The following SLIT3 variants were observed in gnomAD, a reference collection of about 807,000 sequenced individuals.
SLIT3 encodes slit homolog 3 protein.
In SLIT3, 68 loss-of-function variants were observed where a neutral mutation model predicts 184.0. The observed-to-expected ratio is 0.37, with a 90% CI of 0.30 to 0.45. The LOEUF is 0.45. Ranked by LOEUF, SLIT3 falls within the 20% of genes least tolerant of loss-of-function variation. SLIT3 has a pLI of 1.00. For synonymous variants in SLIT3, 831 were observed against 828.6 expected (o/e 1.00, Z -0.05); for missense variants, 1,707 against 2,026.0 (o/e 0.84, Z 3.02).
chr5:168,674,361 C>T (rs997678147), intron 32 of SLIT3, among the ~76,000 whole-genome samples: 1 of 152,248 alleles, frequency 6.6e-6, no homozygotes. Context: ...TGAGTACCCA[C>T]ATGATGCTTG....
chr5:168,675,114 G>C (rs1761367451), intron 32 of SLIT3, among the ~76,000 whole-genome samples: 1 of 152,116 alleles, frequency 6.6e-6, no homozygotes, highest in Non-Finnish European at 1.5e-5. Context: ...GAACAGTGGT[G>C]GGAGATGATG....
chr5:168,867,443 A>G (rs1171287523), intron 5 of SLIT3, among the ~76,000 whole-genome samples: 1 of 152,224 alleles, frequency 6.6e-6, no homozygotes, highest in Non-Finnish European at 1.5e-5. Flanking sequence ...GAGTCAAGCT[A>G]AAGAATGTGT....
At chr5:169,190,327 CA>C (rs1351392714) in intron 4 of SLIT3, among the ~76,000 whole-genome samples, 2 of 152,016 alleles carry the variant, frequency 1.3e-5, no homozygotes, top group East Asian at 3.9e-4. Flanking sequence ...TCCACGGTTC[CA>C]AGGGAGTGAA....
intron 4 of SLIT3, among the ~76,000 whole-genome samples, chr5:169,055,651 C>T (rs1047380144): frequency 5.9e-5 from 9 of 152,048 alleles, no homozygotes; most frequent in African/African-American, 2.2e-4. Flanking sequence ...CCATCCTGGC[C>T]AACATGGTGA....
At chr5:168,749,375 G>C in intron 19 of SLIT3, 97 bp downstream of exon 19, 1 of 1,418,102 alleles carries the variant, frequency 7.1e-7, no homozygotes, top group Non-Finnish European at 9.8e-7. Flanking sequence ...AAAGCAAAGT[G>C]GAATTGGATC....
chr5:168,931,245 T>A (rs78614981), intron 4 of SLIT3, among the ~76,000 whole-genome samples: 2,008 of 152,340 alleles, frequency 0.013, 60 homozygotes, highest in East Asian at 0.13. Flanking sequence ...TTCCCCTTTA[T>A]CTTATATTAT....
chr5:168,799,472 A>G (rs567477674), intron 9 of SLIT3, among the ~76,000 whole-genome samples: 22 of 152,362 alleles, frequency 1.4e-4, no homozygotes, highest in African/African-American at 5.3e-4. Context: ...GGAACATCTG[A>G]TGGGGATTTC....
chr5:168,853,739 C>T (rs1209225979), intron 5 of SLIT3, among the ~76,000 whole-genome samples: 1 of 152,200 alleles, frequency 6.6e-6, no homozygotes, highest in African/African-American at 2.4e-5. Context: ...AGATGCTGCT[C>T]CTCTGGAAAC....
intron 4 of SLIT3, among the ~76,000 whole-genome samples, chr5:169,032,661 A>AT (rs746847776): frequency 0.013 from 1,762 of 133,594 alleles, 15 homozygotes; most frequent in Non-Finnish European, 0.021. Context: ...TCTGCTAGTT[A>AT]TTTTTTTTTT....
intron 4 of SLIT3, among the ~76,000 whole-genome samples, chr5:169,125,089 C>T (rs1374184578): frequency 6.6e-6 from 1 of 151,986 alleles, no homozygotes; most frequent in African/African-American, 2.4e-5. Flanking sequence ...CACTCTGTCG[C>T]CAGGCTACAG....
intron 4 of SLIT3, among the ~76,000 whole-genome samples, chr5:169,166,686 T>A (rs760139999): frequency 2.0e-5 from 3 of 152,206 alleles, no homozygotes; most frequent in Non-Finnish European, 4.4e-5. Context: ...GGCCTCATTG[T>A]TTCCAGTTTC....
intron 11 of SLIT3, among the ~76,000 whole-genome samples, chr5:168,788,647 G>A (rs193291161): frequency 1.3e-5 from 2 of 151,550 alleles, no homozygotes; most frequent in Non-Finnish European, 2.9e-5. Context: ...TGGTACTAGG[G>A]ATACATCCGT....
intron 4 of SLIT3, among the ~76,000 whole-genome samples, chr5:168,917,953 G>A (rs1258029673): frequency 6.6e-6 from 1 of 152,198 alleles, no homozygotes; most frequent in Non-Finnish European, 1.5e-5. Flanking sequence ...AGAAGAAAGA[G>A]GGAGTATGGA....
chr5:168,998,928 T>TGTGTGTGTGTGTGTGTG (rs57544185), intron 4 of SLIT3, among the ~76,000 whole-genome samples: 2 of 150,996 alleles, frequency 1.3e-5, no homozygotes, highest in African/African-American at 4.9e-5. Flanking sequence ...TGTGTGTGTG[T>TGTGTGTGTGTGTGTGTG]TTTGAGACAG....
intron 4 of SLIT3, among the ~76,000 whole-genome samples, chr5:169,004,674 T>A (rs1011822821): frequency 2.0e-5 from 3 of 152,150 alleles, no homozygotes; most frequent in African/African-American, 7.2e-5. Flanking sequence ...TTTGAAAGCC[T>A]AACCACCAAG....
intron 4 of SLIT3, among the ~76,000 whole-genome samples, chr5:169,055,315 C>T (rs910200718): frequency 1.1e-4 from 16 of 151,984 alleles, no homozygotes; most frequent in Admixed American, 1.3e-4. Flanking sequence ...AGGAGTTACG[C>T]GGTAATAGAA....
At chr5:169,063,461 G>A (rs1239565281) in intron 4 of SLIT3, among the ~76,000 whole-genome samples, 1 of 152,204 alleles carries the variant, frequency 6.6e-6, no homozygotes, top group Non-Finnish European at 1.5e-5. Context: ...AGGAAGGGTA[G>A]GGACAGATTT....
chr5:169,214,559 G>A lies in SLIT3; in HGVS notation c.342-21009C>T, dbSNP rs549931558. On this transcript the variant is annotated intron_variant, in intron 3 of 35. Transcript: ENST00000519560. ...GGTGCGGCAAATCCGTGTGTGAAAA[G>A]GTGGGTAGAGGGGATGGTGGTGGTG... Among the ~76,000 whole-genome samples, 6 of 152,292 alleles carry A rather than the reference G, an allele frequency of 3.9e-5. No individual in the cohort carries two copies. In the East Asian group the frequency reaches 9.7e-4, roughly 25 times the overall value.
At chr5:169,136,864 G>A (rs1330714878) in intron 4 of SLIT3, among the ~76,000 whole-genome samples, 1 of 152,118 alleles carries the variant, frequency 6.6e-6, no homozygotes, top group Non-Finnish European at 1.5e-5. Context: ...TTAGATCCTA[G>A]CCACCCTATG....
Sources: gnomAD v4.1 joint callset for allele counts (sites outside exome capture counted in the v4.1 genomes callset) on GRCh38, gnomAD v4.1.1 for gene constraint, MANE v1.5 for transcripts, NCBI Gene and HGNC (gene_info 2026-07-23, HGNC 2026-07-21) for gene names.